NUP210L: variants seen among roughly 807,000 people sequenced by gnomAD.
NUP210L encodes nuclear pore membrane glycoprotein 210-like.
A neutral mutation model predicts 208.5 loss-of-function variants in NUP210L; 74 were observed. The observed-to-expected ratio is 0.35, with a 90% confidence interval of 0.29 to 0.43. The LOEUF is 0.43. Among genes scored for constraint, NUP210L ranks in the 20% least tolerant of loss-of-function variants. The pLI is 1.00. For missense variants in NUP210L, 1,843 were observed against 2,289.4 expected (o/e 0.81, Z 3.98); for synonymous variants, 780 against 816.9 (o/e 0.95, Z 0.77).
intron 25 of NUP210L, among the ~76,000 whole-genome samples, chr1:154,050,041 A>T (rs1435346338): frequency 6.6e-6 from 1 of 151,992 alleles, no homozygotes; most frequent in Non-Finnish European, 1.5e-5. Context: ...TGCTGCCCCC[A>T]CTCGAGAAAT....
At chr1:154,123,626 C>T (rs949397025) in intron 10 of NUP210L, among the ~76,000 whole-genome samples, 5 of 152,044 alleles carry the variant, frequency 3.3e-5, no homozygotes, top group African/African-American at 1.2e-4. Flanking sequence ...TCCTACAATT[C>T]CAGCACTTTG....
chr1:154,092,177 G>A (rs1383607539), intron 15 of NUP210L, among the ~76,000 whole-genome samples: 2 of 149,482 alleles, frequency 1.3e-5, no homozygotes, highest in African/African-American at 4.9e-5. Flanking sequence ...CCGGATTCAC[G>A]CCATTCTCCT....
chr1:154,061,515 A>G, intron 18 of NUP210L, 71 bp downstream of exon 18: 1 of 950,510 alleles, frequency 1.1e-6, no homozygotes, highest in East Asian at 2.6e-5. Context: ...TGTAAGTTGT[A>G]CAACTTTTAA....
intron 37 of NUP210L, among the ~76,000 whole-genome samples, chr1:153,996,643 A>G (rs1203337757): frequency 2.0e-5 from 3 of 151,444 alleles, no homozygotes; most frequent in Non-Finnish European, 4.4e-5. Context: ...CTGGCCTCAA[A>G]CTCCTGACCT....
At chr1:154,146,020 C>T (rs1315740701) in intron 2 of NUP210L, among the ~76,000 whole-genome samples, 7 of 151,940 alleles carry the variant, frequency 4.6e-5, no homozygotes, top group African/African-American at 1.2e-4. Flanking sequence ...CCTCCCAAAC[C>T]GCTGAGATTA....
intron 6 of NUP210L, 114 bp from the exon 7 acceptor site, chr1:154,136,086 T>A (rs1658531662): frequency 1.4e-6 from 1 of 724,134 alleles, no homozygotes; most frequent in African/African-American, 1.8e-5. Flanking sequence ...AAGAGTATGA[T>A]CTGCTTCTAA....
At chr1:153,996,629 C>T (rs1374008620) in intron 37 of NUP210L, among the ~76,000 whole-genome samples, 1 of 152,104 alleles carries the variant, frequency 6.6e-6, no homozygotes, top group Non-Finnish European at 1.5e-5. Context: ...CCATTTTGGC[C>T]AGGCTGGCCT....
intron 2 of NUP210L, among the ~76,000 whole-genome samples, chr1:154,151,873 G>A (rs1659401355): frequency 6.6e-6 from 1 of 151,840 alleles, no homozygotes; most frequent in Admixed American, 6.6e-5. Flanking sequence ...TAGATCACCT[G>A]AGGTCGGGAG....
exon 26 of NUP210L, chr1:154,046,306 G>A: frequency 6.2e-7 from 1 of 1,614,136 alleles, no homozygotes. Flanking sequence ...GCTGTGATGA[G>A]CCGAGTTGCA....
At chr1:154,025,914 A>G (rs1283417405) in intron 29 of NUP210L, among the ~76,000 whole-genome samples, 198 bp from the exon 30 acceptor site, 2 of 152,120 alleles carry the variant, frequency 1.3e-5, no homozygotes, top group Non-Finnish European at 2.9e-5. Context: ...AAATCTTATT[A>G]CATATTTATA....
chr1:154,121,271 C>T (rs1019604471), intron 10 of NUP210L, among the ~76,000 whole-genome samples: 1 of 152,060 alleles, frequency 6.6e-6, no homozygotes, highest in African/African-American at 2.4e-5. Flanking sequence ...AGCTGTTTTG[C>T]TATTGCATGC....
intron 4 of NUP210L, among the ~76,000 whole-genome samples, 197 bp downstream of exon 4, chr1:154,141,234 T>C (rs1330648295): frequency 6.6e-6 from 1 of 152,184 alleles, no homozygotes; most frequent in Admixed American, 6.6e-5. Context: ...ATAACTCAGA[T>C]TAAGCGATCA....
chr1:154,002,035 G>A (rs1293936268), intron 35 of NUP210L, 50 bp from the exon 36 acceptor site: 2 of 1,578,906 alleles, frequency 1.3e-6, no homozygotes, highest in South Asian at 2.3e-5. Flanking sequence ...AGGCTCTATT[G>A]AGCCAACTGA....
At chr1:154,135,711 G>A (rs1319544004) in intron 7 of NUP210L, 103 bp downstream of exon 7, 24 of 1,058,352 alleles carry the variant, frequency 2.3e-5, no homozygotes, top group African/African-American at 1.3e-4. Flanking sequence ...GTGAGCCACC[G>A]CGCCCGGCCA....
At chr1:154,018,032 C>A (rs1651358339) in intron 33 of NUP210L, among the ~76,000 whole-genome samples, 1 of 151,228 alleles carries the variant, frequency 6.6e-6, no homozygotes, top group Non-Finnish European at 1.5e-5. Flanking sequence ...AGTACAGTGG[C>A]TTGATGTCAG....
chr1:154,023,844 A>G (rs1651699961), intron 30 of NUP210L, among the ~76,000 whole-genome samples: 1 of 150,042 alleles, frequency 6.7e-6, no homozygotes, highest in African/African-American at 2.5e-5. Flanking sequence ...GCTGGAGTGC[A>G]GTGGTGCAAT....
chr1:154,112,569 A>G (rs746224135), intron 12 of NUP210L, among the ~76,000 whole-genome samples: 12 of 152,054 alleles, frequency 7.9e-5, no homozygotes, highest in Non-Finnish European at 1.8e-4. Context: ...CCATAAATAT[A>G]TACACCTACC....
intron 27 of NUP210L, among the ~76,000 whole-genome samples, chr1:154,037,752 T>G (rs1180935464): frequency 6.6e-6 from 1 of 152,142 alleles, no homozygotes; most frequent in Non-Finnish European, 1.5e-5. Context: ...CACTGCAGCC[T>G]CCACCTCCTG....
At chr1:154,049,744 A>G (rs1263922724) in intron 25 of NUP210L, among the ~76,000 whole-genome samples, 2 of 152,216 alleles carry the variant, frequency 1.3e-5, no homozygotes, top group Non-Finnish European at 2.9e-5. Flanking sequence ...TACAGCCAGG[A>G]CTGCCTTCTC....
Sources: allele counts gnomAD v4.1 joint callset (sites outside exome capture counted in the v4.1 genomes callset), GRCh38; gene constraint gnomAD v4.1.1; transcripts MANE v1.5; gene names NCBI Gene and HGNC (gene_info 2026-07-23, HGNC 2026-07-21).